ITPR2: variants seen among roughly 807,000 people sequenced by gnomAD.
ITPR2 encodes the protein inositol 1,4,5-trisphosphate-gated calcium channel ITPR2.
A neutral mutation model predicts 317.1 loss-of-function variants in ITPR2; 207 were observed. That is an observed-to-expected ratio of 0.65 (90% CI 0.58 to 0.73). ITPR2 has a LOEUF of 0.73. Among genes scored for constraint, ITPR2 ranks in the 30% least tolerant of loss-of-function variants. ITPR2 has a pLI of 0.00. For missense variants in ITPR2, 2,613 were observed against 3,284.0 expected, an observed-to-expected ratio of 0.80 and a Z score of 4.99; for synonymous variants, 1,156 against 1,149.1, an observed-to-expected ratio of 1.01 and a Z score of -0.12.
intron 55 of ITPR2, among the ~76,000 whole-genome samples, chr12:26,348,160 C>T (rs1392513798): frequency 1.3e-5 from 2 of 152,218 alleles, no homozygotes; most frequent in African/African-American, 2.4e-5. Context: ...GCATTCCTCT[C>T]TTTGCACTTT....
chr12:26,723,664 T>G (rs912554791), intron 4 of ITPR2, among the ~76,000 whole-genome samples: 9 of 152,224 alleles, frequency 5.9e-5, no homozygotes, highest in Admixed American at 1.3e-4. Flanking sequence ...CTGCCCTGTG[T>G]TCTGGCATTT....
Position 26,589,853 on chromosome 12 carries a change from T to TATACACAC in ITPR2, c.4380+5611_4380+5612insGTGTGTAT, listed in dbSNP as rs780511857. On this transcript the variant is annotated intron_variant, in intron 32 of 56. Transcript: ENST00000381340. ...ATAAACATATATATATATATATATA[T>TATACACAC]ACACACACACACACACACACACACA... Among the ~76,000 whole-genome samples, 71 of 57,318 alleles carry TATACACAC rather than the reference T, an allele frequency of 1.2e-3. 1 individual carries two copies. The highest frequency in any genetic ancestry group is 1.7e-3 in the Admixed American group (7 of 4,228). 37.6% of individuals were successfully genotyped at this position (57,318 alleles called of 152,430 possible).
At chr12:26,601,730 C>T (rs1343134092) in intron 28 of ITPR2, among the ~76,000 whole-genome samples, 2 of 152,148 alleles carry the variant, frequency 1.3e-5, no homozygotes, top group Admixed American at 6.5e-5. Flanking sequence ...AACTGCTCCA[C>T]AAAATACCTA....
chr12:26,832,542 G>C (rs1565795590), intron 1 of ITPR2, 148 bp downstream of exon 1: 3 of 522,066 alleles, frequency 5.7e-6, no homozygotes, highest in East Asian at 3.6e-5. Context: ...GCGAGAGAGC[G>C]GAGCGCACGG....
chr12:26,397,926 C>T (rs1056250261), intron 54 of ITPR2, among the ~76,000 whole-genome samples: 1 of 151,914 alleles, frequency 6.6e-6, no homozygotes, highest in Admixed American at 6.5e-5. Flanking sequence ...GCTACAAAGA[C>T]AACTGAAGCC....
intron 47 of ITPR2, among the ~76,000 whole-genome samples, chr12:26,436,774 T>TC (rs11397802): frequency 0.69 from 104,620 of 152,002 alleles, 36,484 homozygotes; most frequent in South Asian, 0.75. Context: ...ATAAAAAAAC[T>TC]CAAACCCATA....
At chr12:26,418,161 G>A (rs915832441) in intron 50 of ITPR2, among the ~76,000 whole-genome samples, 3 of 152,096 alleles carry the variant, frequency 2.0e-5, no homozygotes, top group African/African-American at 2.4e-5. Context: ...TTCTCAAATC[G>A]GTGTGCTAGA....
At chr12:26,359,365 G>T (rs1254179569) in intron 55 of ITPR2, among the ~76,000 whole-genome samples, 1 of 152,176 alleles carries the variant, frequency 6.6e-6, no homozygotes, top group African/African-American at 2.4e-5. Context: ...CCAAATGAGA[G>T]GATGCTCAGA....
At chr12:26,431,879 T>A (rs1232361866) in intron 48 of ITPR2, among the ~76,000 whole-genome samples, 1 of 152,154 alleles carries the variant, frequency 6.6e-6, no homozygotes, top group Non-Finnish European at 1.5e-5. Flanking sequence ...ACCACCACAT[T>A]GGTACCAGCA....
intron 1 of ITPR2, among the ~76,000 whole-genome samples, chr12:26,819,600 G>A (rs187062211): frequency 6.6e-6 from 1 of 152,164 alleles, no homozygotes; most frequent in African/African-American, 2.4e-5. Flanking sequence ...AGTATAAAAT[G>A]TCTCCCTGGA....
At chr12:26,348,600 TGAGG>T (rs1009749339) in intron 55 of ITPR2, among the ~76,000 whole-genome samples, 1 of 152,162 alleles carries the variant, frequency 6.6e-6, no homozygotes, top group African/African-American at 2.4e-5. Flanking sequence ...CTTGCATTCA[TGAGG>T]GAGGAAGGAT....
chr12:26,472,502 A>T (rs982809662), intron 45 of ITPR2, among the ~76,000 whole-genome samples: 3 of 151,994 alleles, frequency 2.0e-5, no homozygotes, highest in Non-Finnish European at 4.4e-5. Flanking sequence ...AAAAAAAAAA[A>T]CAACTTCGAT....
At chr12:26,615,222 T>C (rs1275225756) in intron 26 of ITPR2, among the ~76,000 whole-genome samples, 6 of 152,084 alleles carry the variant, frequency 3.9e-5, no homozygotes, top group Non-Finnish European at 2.9e-5. Context: ...ACATCGGATC[T>C]CCGAGTTACC....
chr12:26,785,890 C>T (rs1388165768), intron 2 of ITPR2, among the ~76,000 whole-genome samples: 23 of 58,286 alleles, frequency 3.9e-4, no homozygotes, highest in African/African-American at 1.2e-3. Context: ...CGCCTCTGCC[C>T]GGCCGCCCCT....
At chr12:26,625,162 G>A (rs928510797) in intron 23 of ITPR2, among the ~76,000 whole-genome samples, 1 of 152,060 alleles carries the variant, frequency 6.6e-6, no homozygotes, top group Non-Finnish European at 1.5e-5. Flanking sequence ...CATGGCGATA[G>A]ACAGTAGAAT....
chr12:26,744,339 C>T (rs1949284630), intron 2 of ITPR2, among the ~76,000 whole-genome samples: 1 of 152,220 alleles, frequency 6.6e-6, no homozygotes, highest in African/African-American at 2.4e-5. Context: ...TTATCTAGGA[C>T]ACTTCCACTT....
At chr12:26,741,219 G>A (rs1949223991) in intron 2 of ITPR2, among the ~76,000 whole-genome samples, 1 of 152,258 alleles carries the variant, frequency 6.6e-6, no homozygotes, top group South Asian at 2.1e-4. Flanking sequence ...CTGCGGCAGA[G>A]GTGGCGCCTT....
chr12:26,618,382 G>A (rs1946417382), intron 26 of ITPR2, among the ~76,000 whole-genome samples: 1 of 152,178 alleles, frequency 6.6e-6, no homozygotes, highest in Admixed American at 6.5e-5. Flanking sequence ...CTATTTGCCT[G>A]TGTAGAATTT....
chr12:26,777,442 A>G (rs1009370424), intron 2 of ITPR2, among the ~76,000 whole-genome samples: 11 of 152,196 alleles, frequency 7.2e-5, no homozygotes, highest in Non-Finnish European at 8.8e-5. Context: ...ATTTAAATAC[A>G]ATGGGAATAA....
Sources: allele counts gnomAD v4.1 joint callset (sites outside exome capture counted in the v4.1 genomes callset), GRCh38; gene constraint gnomAD v4.1.1; transcripts MANE v1.5; gene names NCBI Gene and HGNC (gene_info 2026-07-23, HGNC 2026-07-21).